IMPG1: variants seen among roughly 807,000 people sequenced by gnomAD.
IMPG1 encodes the protein interphotoreceptor matrix proteoglycan of 150 kDa.
In IMPG1, 85 loss-of-function variants were observed where a neutral mutation model predicts 92.0. The observed-to-expected ratio is 0.92, with a 90% confidence interval of 0.78 to 1.11. The LOEUF is 1.11. IMPG1 is among the 50% of genes least tolerant of loss of function. The probability of loss-of-function intolerance (pLI) is 0.00; values close to 1 mark genes in which losing one functional copy is unlikely to be tolerated. For synonymous variants in IMPG1, 367 were observed against 334.1 expected (o/e 1.10, Z -1.08); for missense variants, 1,022 against 956.0 (o/e 1.07, Z -0.91).
chr6:75,996,179 C>T (rs990813875), intron 12 of IMPG1, among the ~76,000 whole-genome samples: 1 of 152,024 alleles, frequency 6.6e-6, no homozygotes, highest in African/African-American at 2.4e-5. Context: ...TACATGGGAC[C>T]CCTGGGGAAA....
At chr6:76,060,917 T>G (rs1784195015) in intron 1 of IMPG1, among the ~76,000 whole-genome samples, 1 of 152,158 alleles carries the variant, frequency 6.6e-6, no homozygotes, top group Non-Finnish European at 1.5e-5. Flanking sequence ...GAGACTACTG[T>G]GAAAAATAAA....
intron 6 of IMPG1, 70 bp from the exon 7 acceptor site, chr6:76,018,928 A>G (rs1172901105): frequency 5.0e-6 from 7 of 1,386,310 alleles, no homozygotes; most frequent in Middle Eastern, 1.9e-4. Flanking sequence ...TTTAGATAAT[A>G]TATGTTGATA....
chr6:76,004,559 T>TG (rs1450529407), intron 10 of IMPG1, among the ~76,000 whole-genome samples: 1 of 152,238 alleles, frequency 6.6e-6, no homozygotes, highest in Non-Finnish European at 1.5e-5. Context: ...TTTCATGCCA[T>TG]GTTGTACTAA....
At chr6:75,972,172 T>C (rs1298777906) in intron 12 of IMPG1, among the ~76,000 whole-genome samples, 2 of 152,222 alleles carry the variant, frequency 1.3e-5, no homozygotes, top group Non-Finnish European at 2.9e-5. Flanking sequence ...TGTGCAGTAC[T>C]GTCCTGCATA....
intron 12 of IMPG1, among the ~76,000 whole-genome samples, chr6:75,996,069 G>A (rs1782896369): frequency 6.6e-6 from 1 of 152,196 alleles, no homozygotes; most frequent in Admixed American, 6.5e-5. Flanking sequence ...ACTCTGTGGT[G>A]TCCTGGAACA....
chr6:75,936,435 T>C (rs888171690), intron 14 of IMPG1, among the ~76,000 whole-genome samples: 3 of 152,230 alleles, frequency 2.0e-5, no homozygotes, highest in African/African-American at 7.2e-5. Context: ...AAAGGTAGAT[T>C]AGAGTGAGAA....
rs1277174329 is a variant in IMPG1 at position 76,005,316 on chromosome 6, A to G, written c.1106T>C (p.Leu369Ser). ...ISKALEEEQS[L>S]DVGTIQFTDE... ...AGTGAACTGAATTGTCCCCACATCC[A>G]AAGATTGTTCTTCCTCTAGTGCTTT... Residue 369 changes from leucine (L) to serine (S), a missense_variant, in exon 10 of 17, where the codon TTG (leucine) becomes TCG (serine). By Grantham distance (145) the Leu-to-Ser change is moderately radical. Coordinates refer to ENST00000369950, the MANE Select transcript of IMPG1 (RefSeq NM_001563.4). 1 of 1,614,034 alleles carries G rather than the reference A, an allele frequency of 6.2e-7. No individual in the cohort carries two copies.
At chr6:76,056,694 A>G (rs1290277010) in intron 1 of IMPG1, among the ~76,000 whole-genome samples, 1 of 152,312 alleles carries the variant, frequency 6.6e-6, no homozygotes, top group East Asian at 1.9e-4. Flanking sequence ...GCCAACACTT[A>G]TCTGTTGTCT....
intron 14 of IMPG1, among the ~76,000 whole-genome samples, chr6:75,931,864 T>C (rs1426239646): frequency 6.6e-6 from 1 of 152,264 alleles, no homozygotes. Flanking sequence ...GAATCTCAGA[T>C]ATTTAGCTCT....
chr6:75,974,530 C>T (rs1194200280), intron 12 of IMPG1, among the ~76,000 whole-genome samples: 5 of 146,794 alleles, frequency 3.4e-5, no homozygotes, highest in African/African-American at 5.1e-5. Flanking sequence ...AATGCAATGG[C>T]GTGATCTTGG....
intron 4 of IMPG1, among the ~76,000 whole-genome samples, chr6:76,032,383 T>G (rs150449707): frequency 6.6e-6 from 1 of 152,344 alleles, no homozygotes; most frequent in East Asian, 1.9e-4. Flanking sequence ...GTCTGTGTTT[T>G]GTGAGCAAAG....
chr6:76,040,462 G>A (rs552404981), intron 2 of IMPG1, among the ~76,000 whole-genome samples: 1 of 152,296 alleles, frequency 6.6e-6, no homozygotes, highest in East Asian at 1.9e-4. Context: ...TGATCAATGT[G>A]TAGGCACACT....
At chr6:76,053,693 T>A (rs1360332953) in intron 1 of IMPG1, among the ~76,000 whole-genome samples, 1 of 152,146 alleles carries the variant, frequency 6.6e-6, no homozygotes, top group Admixed American at 6.6e-5. Context: ...TCCTATCATA[T>A]CTGAAGTACT....
At chr6:76,032,442 C>A (rs1014368739) in intron 4 of IMPG1, among the ~76,000 whole-genome samples, 12 of 152,116 alleles carry the variant, frequency 7.9e-5, no homozygotes, top group Admixed American at 5.9e-4. Context: ...TTTCTCCTGG[C>A]AATATCTTTT....
At chr6:75,947,229 A>AGATT (rs1781940906) in intron 14 of IMPG1, 85 bp downstream of exon 14, 1 of 1,050,918 alleles carries the variant, frequency 9.5e-7, no homozygotes, top group East Asian at 2.5e-5. Context: ...TGTGGCCTAA[A>AGATT]GATTGAAACG....
intron 6 of IMPG1, among the ~76,000 whole-genome samples, chr6:76,021,778 C>CTTATATATATATATATATATAT (rs1554234867): frequency 2.0e-5 from 1 of 49,486 alleles, no homozygotes; most frequent in Non-Finnish European, 3.7e-5. Context: ...ACTTGGAGAG[C>CTTATATATATATATATATATAT]ATATATATAT....
At chr6:76,043,734 A>T (rs1027593793) in intron 1 of IMPG1, among the ~76,000 whole-genome samples, 1 of 152,222 alleles carries the variant, frequency 6.6e-6, no homozygotes, top group African/African-American at 2.4e-5. Flanking sequence ...AAACTGGCTT[A>T]CACAGTAAGA....
intron 15 of IMPG1, among the ~76,000 whole-genome samples, chr6:75,925,913 C>T (rs1245879821): frequency 3.3e-5 from 5 of 152,184 alleles, no homozygotes; most frequent in African/African-American, 1.2e-4. Context: ...TGATCACCCA[C>T]CTCGGCTTCC....
chr6:76,034,346 G>A lies in IMPG1; in HGVS notation c.469-3C>T, dbSNP rs770300111. On this transcript the variant is annotated splice_polypyrimidine_tract_variant and splice_region_variant and intron_variant, in intron 3 of 16. Transcript: ENST00000369950. ...GGGAAACTTCTCTGTTTTATTCTCT[G>A]CAAAAAGATAAAGATAAAATGTAAT... 6.2e-7 allele frequency: 1 copy of A among 1,611,834 alleles called. No individual in the cohort carries two copies. The highest frequency in any genetic ancestry group is 1.1e-5 in the South Asian group (1 of 91,016).
Sources: gnomAD v4.1 joint callset for allele counts (sites outside exome capture counted in the v4.1 genomes callset) on GRCh38, gnomAD v4.1.1 for gene constraint, MANE v1.5 for transcripts, NCBI Gene and HGNC (gene_info 2026-07-23, HGNC 2026-07-21) for gene names.